TM9SF2: variants seen among roughly 807,000 people sequenced by gnomAD.
The protein encoded by TM9SF2 is transmembrane 9 superfamily member 2.
A neutral mutation model predicts 84.9 loss-of-function variants in TM9SF2; 13 were observed. The observed-to-expected ratio is 0.15, with a 90% CI of 0.10 to 0.24. TM9SF2 has a LOEUF of 0.24. Among genes scored for constraint, TM9SF2 ranks in the 10% least tolerant of loss-of-function variants. The pLI, the probability that TM9SF2 is intolerant of heterozygous loss-of-function variation, is 1.00. For missense variants in TM9SF2, 562 were observed against 818.5 expected (o/e 0.69, Z 3.82); for synonymous variants, 273 against 285.8 (o/e 0.96, Z 0.45).
intron 11 of TM9SF2, among the ~76,000 whole-genome samples, 190 bp downstream of exon 11, chr13:99,547,294 G>A (rs572314445): frequency 2.6e-5 from 4 of 152,248 alleles, no homozygotes; most frequent in South Asian, 2.1e-4. Context: ...TTATTTGTTC[G>A]AAAATGTTTA....
chr13:99,558,563 C>G (rs2046333065), intron 15 of TM9SF2, among the ~76,000 whole-genome samples: 2 of 151,962 alleles, frequency 1.3e-5, no homozygotes, highest in African/African-American at 4.8e-5. Context: ...GAATTTATTC[C>G]TAGGTATTTT....
chr13:99,521,337 C>T (rs771779435), intron 3 of TM9SF2, among the ~76,000 whole-genome samples: 5 of 152,284 alleles, frequency 3.3e-5, no homozygotes, highest in East Asian at 1.9e-4. Context: ...CTACCATGGG[C>T]ATCTGTCCAC....
At chr13:99,528,991 T>A (rs2046196092) in intron 3 of TM9SF2, among the ~76,000 whole-genome samples, 1 of 152,194 alleles carries the variant, frequency 6.6e-6, no homozygotes, top group Non-Finnish European at 1.5e-5. Flanking sequence ...CATCTGAATG[T>A]CACATGCTCT....
rs2046256762 is a variant in TM9SF2, at chr13:99,540,979, A to G, written c.908+186A>G. Among the ~76,000 whole-genome samples, 2 of 152,234 alleles carry G rather than the reference A, an allele frequency of 1.3e-5. 1 individual carries two copies. ...TTAATTTCTCAGCGTCTGTTTCTTT[A>G]TCTAGAAATACCCACCTTATGGGAT... On this transcript the variant is annotated intron_variant, in intron 8 of 16. Coordinates refer to ENST00000376387, the MANE Select transcript of TM9SF2 (RefSeq NM_004800.3).
intron 3 of TM9SF2, among the ~76,000 whole-genome samples, chr13:99,523,587 A>T (rs1430521437): frequency 1.3e-5 from 2 of 152,366 alleles, no homozygotes; most frequent in East Asian, 3.9e-4. Flanking sequence ...TGTGTGTATT[A>T]TGTGAAGCTG....
intron 1 of TM9SF2, among the ~76,000 whole-genome samples, chr13:99,506,013 T>G (rs1431431178): frequency 6.6e-6 from 1 of 152,216 alleles, no homozygotes; most frequent in Non-Finnish European, 1.5e-5. Flanking sequence ...TTATACCCCC[T>G]AGTGGTTAAA....
chr13:99,521,588 C>T (rs1165596502), intron 3 of TM9SF2, among the ~76,000 whole-genome samples: 1 of 152,224 alleles, frequency 6.6e-6, no homozygotes, highest in Non-Finnish European at 1.5e-5. Flanking sequence ...TTACTCCCTC[C>T]AGCACCTGCA....
intron 3 of TM9SF2, among the ~76,000 whole-genome samples, chr13:99,525,758 T>C (rs543879588): frequency 5.8e-4 from 88 of 152,172 alleles, no homozygotes; most frequent in African/African-American, 1.9e-3. Flanking sequence ...GGTTTCACTG[T>C]GTTAGCCAGG....
chr13:99,554,475 CTCTCAT>C lies in TM9SF2; in HGVS notation c.1640+28_1640+33del. 1 of 1,608,812 alleles carries C rather than the reference CTCTCAT, an allele frequency of 6.2e-7. No individual in the cohort carries two copies. The highest frequency in any genetic ancestry group is 8.5e-7 in the Non-Finnish European group (1 of 1,177,444). ...TATTTGGTAAGCTAAGGATAAAGTC[CTCTCAT>C]TCTCATTACCATTATATGTAATATT... On this transcript the variant is annotated intron_variant, in intron 14 of 16. Transcript: ENST00000376387.
intron 4 of TM9SF2, among the ~76,000 whole-genome samples, chr13:99,530,013 G>C (rs1004762912): frequency 6.6e-6 from 1 of 151,732 alleles, no homozygotes; most frequent in Non-Finnish European, 1.5e-5. Context: ...AGTCTATTAA[G>C]TGTGCAATAA....
At chr13:99,504,999 A>G (rs913710851) in intron 1 of TM9SF2, among the ~76,000 whole-genome samples, 2 of 151,776 alleles carry the variant, frequency 1.3e-5, no homozygotes, top group Non-Finnish European at 2.9e-5. Flanking sequence ...AATTCTAGGT[A>G]AAGACAAGAA....
chr13:99,541,488 C>A, intron 8 of TM9SF2, 71 bp from the exon 9 acceptor site: 1 of 1,098,062 alleles, frequency 9.1e-7, no homozygotes, highest in Non-Finnish European at 1.3e-6. Flanking sequence ...ACTCAATAAA[C>A]AGTTTTTAAA....
intron 11 of TM9SF2, 121 bp downstream of exon 11, chr13:99,547,225 T>A: frequency 7.2e-7 from 1 of 1,383,396 alleles, no homozygotes; most frequent in Non-Finnish European, 9.6e-7. Flanking sequence ...GGGTCTGTTC[T>A]TAGTTAAAAG....
At chr13:99,527,712 A>C (rs1329106478) in intron 3 of TM9SF2, among the ~76,000 whole-genome samples, 1 of 152,190 alleles carries the variant, frequency 6.6e-6, no homozygotes, top group Non-Finnish European at 1.5e-5. Context: ...ACTTTGATAT[A>C]ATTTTTCTGC....
chr13:99,539,166 C>T lies in TM9SF2; in HGVS notation c.717-280C>T, dbSNP rs532752213. Among the ~76,000 whole-genome samples the T allele has an allele frequency of 2.7e-5, 4 of 149,518 alleles. No homozygotes were observed. In the South Asian group the frequency reaches 8.5e-4, roughly 32 times the overall value. ...TTGAGGCTGCATTGAACTGTGATGG[C>T]ACCACCGCACTCAGGCCTGGGTAAG... On this transcript the variant is annotated intron_variant, in intron 6 of 16. Coordinates refer to ENST00000376387, the MANE Select transcript of TM9SF2 (RefSeq NM_004800.3).
intron 6 of TM9SF2, among the ~76,000 whole-genome samples, chr13:99,539,223 A>G (rs920809918): frequency 1.4e-5 from 2 of 145,318 alleles, no homozygotes; most frequent in African/African-American, 5.1e-5. Context: ...AAAAAAAAAG[A>G]AAAAAAAAAA....
chr13:99,512,019 TATA>T (rs1178724629), intron 1 of TM9SF2, among the ~76,000 whole-genome samples: 1 of 152,202 alleles, frequency 6.6e-6, no homozygotes, highest in Admixed American at 6.5e-5. Context: ...CCAGGACAAG[TATA>T]ATGGATAGGC....
In TM9SF2 at chr13:99,563,879, A is replaced by G. The variant is rs1011167623; in HGVS notation, c.*1121A>G. Reference sequence around the variant, plus strand: ...AAATCCATTTATGTAGAATATAGGAATGGGGGGTGATTCTGAAGTATCGGT... The same window carrying G: ...AAATCCATTTATGTAGAATATAGGAGTGGGGGGTGATTCTGAAGTATCGGT... On this transcript the variant is annotated 3_prime_UTR_variant, in exon 17 of 17. Coordinates refer to ENST00000376387, the MANE Select transcript of TM9SF2 (RefSeq NM_004800.3). 1.7e-4 allele frequency: 26 copies of G among 152,194 alleles called. 1 individual carries two copies. Among genetic ancestry groups the G allele is most frequent in the Admixed American group, 1.7e-3 (26 of 15,278 alleles). The allele number at this position is 152,194 out of a possible 1,614,324, so 9.4% of individuals were successfully genotyped here.
At position 99,549,169 on chromosome 13, in the gene TM9SF2, T is replaced by C. The variant is rs2046295700; in HGVS notation, c.1275T>C (p.Phe425=). The C allele has an allele frequency of 6.2e-7, 1 of 1,612,916 alleles. No homozygotes were observed. Among genetic ancestry groups the C allele is most frequent in the African/African-American group, 1.3e-5 (1 of 74,874 alleles). ...GYVAARFYKS[F]GGEKWKTNVL... ...AACTTTTGTTTTCTTCTATAGCCTT[T>C]GGAGGTGAGAAGTGGAAAACAAATG... The change falls in exon 12 of 17, where the codon TTT becomes TTC. Residue 425 remains phenylalanine (F), a synonymous_variant. Coordinates refer to ENST00000376387, the MANE Select transcript of TM9SF2 (RefSeq NM_004800.3).
Sources: allele counts gnomAD v4.1 joint callset (sites outside exome capture counted in the v4.1 genomes callset), GRCh38; gene constraint gnomAD v4.1.1; transcripts MANE v1.5; gene names NCBI Gene and HGNC (gene_info 2026-07-23, HGNC 2026-07-21).